MSH3: variants seen among roughly 807,000 people sequenced by gnomAD.
MSH3 encodes the protein mutS homolog 3, also known as DNA mismatch repair protein Msh3.
Under a neutral mutation model 123.3 loss-of-function variants are expected in MSH3, and 106 were observed. The observed-to-expected ratio is 0.86, with a 90% CI of 0.73 to 1.01. MSH3 has a LOEUF of 1.01. Ranked by LOEUF, MSH3 falls within the 50% of genes least tolerant of loss-of-function variation. MSH3 has a pLI of 0.00. For synonymous variants in MSH3, 515 were observed against 481.4 expected (o/e 1.07, Z -0.91); for missense variants, 1,459 against 1,347.6 (o/e 1.08, Z -1.29).
At position 80,670,170 on chromosome 5, in the gene MSH3, C is replaced by T. The variant is rs749571333; in HGVS notation, c.653C>T (p.Ser218Phe). The T allele has an allele frequency of 3.7e-6, 6 of 1,613,964 alleles. No homozygotes were observed. The East Asian group carries it at 1.3e-4, about 36-fold the overall frequency. Residue 218 changes from serine (S) to phenylalanine (F), a missense_variant, in exon 4 of 24, where the codon TCC (serine) becomes TTC (phenylalanine). By Grantham distance (155) the Ser-to-Phe change is radical. Transcript: ENST00000265081. ...TSHENLQKTASKSANKRSKSI... is the reference protein window; with the variant it reads ...TSHENLQKTAFKSANKRSKSI... ...CATGAAAATTTACAGAAAACTGCTT[C>T]CAAATCAGCTAACAAACGGTCCAAA...
At chr5:80,661,510 A>G (rs1456234654) in intron 2 of MSH3, among the ~76,000 whole-genome samples, 1 of 152,150 alleles carries the variant, frequency 6.6e-6, no homozygotes, top group Non-Finnish European at 1.5e-5. Flanking sequence ...TTCTTTTAAA[A>G]TATTTTCCAG....
intron 8 of MSH3, among the ~76,000 whole-genome samples, chr5:80,699,583 G>T (rs1018127292): frequency 1.1e-3 from 157 of 140,074 alleles, no homozygotes; most frequent in African/African-American, 3.9e-3. Flanking sequence ...AAAAAAAAAG[G>T]TTGTTGGAGT....
chr5:80,833,395 G>A (rs1204464311), intron 20 of MSH3, among the ~76,000 whole-genome samples: 1 of 152,120 alleles, frequency 6.6e-6, no homozygotes, highest in Non-Finnish European at 1.5e-5. Context: ...AGTATAGTAT[G>A]TCTTATAAAT....
intron 20 of MSH3, among the ~76,000 whole-genome samples, chr5:80,818,415 A>AAAG (rs1745144247): frequency 1.3e-5 from 2 of 150,558 alleles, no homozygotes. Flanking sequence ...AAAAAAAAAA[A>AAAG]AAAAAAAGGT....
intron 19 of MSH3, among the ~76,000 whole-genome samples, chr5:80,811,616 C>T (rs1055557112): frequency 6.6e-5 from 10 of 151,958 alleles, no homozygotes; most frequent in South Asian, 2.1e-4. Context: ...TTGTAATATT[C>T]GTGCTATTTC....
intron 11 of MSH3, among the ~76,000 whole-genome samples, chr5:80,743,925 C>T (rs1743664318): frequency 1.3e-5 from 2 of 151,750 alleles, no homozygotes; most frequent in Admixed American, 6.6e-5. Context: ...TCTCAGTGGG[C>T]TTTGTACTAC....
chr5:80,814,078 G>A (rs1333550263), intron 20 of MSH3, among the ~76,000 whole-genome samples: 1 of 150,876 alleles, frequency 6.6e-6, no homozygotes, highest in Admixed American at 6.6e-5. Context: ...GTGAGCCGAG[G>A]TCACACCATT....
chr5:80,837,922 T>C (rs1745545922), intron 20 of MSH3, among the ~76,000 whole-genome samples: 1 of 152,172 alleles, frequency 6.6e-6, no homozygotes, highest in African/African-American at 2.4e-5. Flanking sequence ...CTTGAGGTTG[T>C]GAGTCTGAGG....
At chr5:80,828,735 C>T (rs1248516371) in intron 20 of MSH3, among the ~76,000 whole-genome samples, 1 of 152,106 alleles carries the variant, frequency 6.6e-6, no homozygotes, top group African/African-American at 2.4e-5. Flanking sequence ...GGTAACAGGT[C>T]CCAAATAAGT....
At chr5:80,836,413 A>C (rs2112084912) in intron 20 of MSH3, among the ~76,000 whole-genome samples, 1 of 152,278 alleles carries the variant, frequency 6.6e-6, no homozygotes, top group Non-Finnish European at 1.5e-5. Context: ...ACAGCTACAC[A>C]GAAGCAGCTT....
At chr5:80,775,827 G>A (rs1580042229) in intron 16 of MSH3, 69 bp downstream of exon 16, 1 of 811,912 alleles carries the variant, frequency 1.2e-6, no homozygotes, top group Admixed American at 1.9e-5. Flanking sequence ...GTGCTACTGG[G>A]CTCATCGTAG....
At position 80,865,073 on chromosome 5, in the gene MSH3, G is replaced by C. The variant is rs557269208; in HGVS notation, c.3130+131G>C. On this transcript the variant is annotated intron_variant, in intron 22 of 23. Coordinates refer to ENST00000265081, the MANE Select transcript of MSH3 (RefSeq NM_002439.5). ...TGTGAGCTATAAATAACATTTGTCA[G>C]GATTCATTTTTGCTAAGCTTTAGGT... 1.9e-4 allele frequency: 186 copies of C among 991,090 alleles called. 1 individual carries two copies. The South Asian group carries it at 2.5e-3, about 13-fold the overall frequency. The allele number at this position is 991,090 out of a possible 1,614,324, so 61.4% of individuals were successfully genotyped here. A position where few individuals can be genotyped will look rare whatever the true frequency, so the allele number is the denominator to read the frequency against.
rs759956134 is a variant in MSH3, at chr5:80,728,911, C to G, written c.1514C>G (p.Ala505Gly). 3 of 1,612,730 alleles carry G rather than the reference C, an allele frequency of 1.9e-6. No homozygotes were observed. Among genetic ancestry groups the G allele is most frequent in the Non-Finnish European group, 1.7e-6 (2 of 1,179,044 alleles). ...AAGCCTGTGATTTGCTCTTTGGCTGCCATCATAAAATACCTCAAAGAATTC... is the reference window on the plus strand; with the variant it reads ...AAGCCTGTGATTTGCTCTTTGGCTGGCATCATAAAATACCTCAAAGAATTC... ...LEKPVICSLA[A>G]IIKYLKEFNL... The change falls in exon 10 of 24, where the codon GCC (alanine) becomes GGC (glycine). Residue 505 changes from alanine (A) to glycine (G), a missense_variant. Coordinates refer to ENST00000265081, the MANE Select transcript of MSH3 (RefSeq NM_002439.5).
intron 10 of MSH3, 85 bp downstream of exon 10, chr5:80,729,050 A>T (rs1266202580): frequency 2.5e-6 from 2 of 815,578 alleles, no homozygotes; most frequent in Non-Finnish European, 4.2e-6. Flanking sequence ...CTATACTTAG[A>T]GAAGCTTGCC....
chr5:80,787,694 T>C (rs770113031), intron 18 of MSH3, 22 bp downstream of exon 18: 2 of 1,441,754 alleles, frequency 1.4e-6, no homozygotes, highest in African/African-American at 1.4e-5. Flanking sequence ...TTCATTTTCC[T>C]CTTTATCAGT....
intron 8 of MSH3, among the ~76,000 whole-genome samples, chr5:80,683,622 T>C (rs542161500): frequency 1.3e-5 from 2 of 152,320 alleles, no homozygotes; most frequent in South Asian, 2.1e-4. Flanking sequence ...ACATGGGTGG[T>C]CTACATACAT....
At chr5:80,850,746 A>G (rs575415003) in intron 20 of MSH3, among the ~76,000 whole-genome samples, 1 of 152,344 alleles carries the variant, frequency 6.6e-6, no homozygotes, top group East Asian at 1.9e-4. Flanking sequence ...GAGCCAAATC[A>G]TATCACCAGT....
intron 12 of MSH3, chr5:80,746,751 A>G (rs1743728148): frequency 5.0e-6 from 2 of 397,014 alleles, no homozygotes; most frequent in Non-Finnish European, 1.0e-5. Context: ...CTTGATAGTC[A>G]CAGATTGTTT....
intron 12 of MSH3, among the ~76,000 whole-genome samples, chr5:80,757,057 C>T (rs1004451206): frequency 6.6e-6 from 1 of 152,068 alleles, no homozygotes; most frequent in Admixed American, 6.6e-5. Context: ...TGTATTTCAG[C>T]TCCCCACCCC....
Sources: gnomAD v4.1 joint callset for allele counts (sites outside exome capture counted in the v4.1 genomes callset) on GRCh38, gnomAD v4.1.1 for gene constraint, MANE v1.5 for transcripts, NCBI Gene and HGNC (gene_info 2026-07-23, HGNC 2026-07-21) for gene names.